Variants in NRG3 observed in about 807,000 individuals in gnomAD.
NRG3 encodes pro-neuregulin-3, membrane-bound isoform.
Under a neutral mutation model 66.9 loss-of-function variants are expected in NRG3, and 31 were observed. That is an observed-to-expected ratio of 0.46 (90% CI 0.35 to 0.63). The LOEUF is 0.63. Among genes scored for constraint, NRG3 ranks in the 20% least tolerant of loss-of-function variants. NRG3 has a pLI of 0.00. For missense variants in NRG3, 910 were observed against 878.9 expected (o/e 1.04, Z -0.45); for synonymous variants, 393 against 359.4 (o/e 1.09, Z -1.06).
At chr10:82,337,863 C>A (rs764277246) in intron 1 of NRG3, among the ~76,000 whole-genome samples, 62 of 152,210 alleles carry the variant, frequency 4.1e-4, no homozygotes, top group Non-Finnish European at 6.5e-4. Flanking sequence ...GCATTGGGGT[C>A]TTTACTCATA....
chr10:82,640,994 A>C (rs2050532312), intron 2 of NRG3, among the ~76,000 whole-genome samples: 3 of 149,134 alleles, frequency 2.0e-5, no homozygotes, highest in Admixed American at 6.7e-5. Context: ...AGGGTCTTTA[A>C]ATTTTTCAGT....
intron 2 of NRG3, among the ~76,000 whole-genome samples, chr10:82,470,366 G>C (rs2132046854): frequency 6.6e-6 from 1 of 152,284 alleles, no homozygotes; most frequent in African/African-American, 2.4e-5. Flanking sequence ...AACCCTCTAG[G>C]CTTCAATTTT....
At chr10:82,939,791 G>A (rs1452440661) in intron 4 of NRG3, among the ~76,000 whole-genome samples, 2 of 151,808 alleles carry the variant, frequency 1.3e-5, no homozygotes, top group Non-Finnish European at 1.5e-5. Flanking sequence ...TTTAAGTGTA[G>A]TATTATGCAG....
intron 1 of NRG3, among the ~76,000 whole-genome samples, chr10:81,993,834 C>T (rs1453836395): frequency 3.3e-5 from 5 of 152,204 alleles, no homozygotes; most frequent in South Asian, 2.1e-4. Context: ...CACATAGAAG[C>T]GCAGAAGCAT....
intron 4 of NRG3, among the ~76,000 whole-genome samples, chr10:82,907,764 C>T (rs562084666): frequency 2.6e-5 from 4 of 152,028 alleles, no homozygotes; most frequent in Non-Finnish European, 4.4e-5. Context: ...TAACTGTATG[C>T]ATAGGTACTG....
At chr10:82,891,681 A>G in intron 4 of NRG3, among the ~76,000 whole-genome samples, 1 of 152,046 alleles carries the variant, frequency 6.6e-6, no homozygotes, top group East Asian at 1.9e-4. Context: ...ATTCATCTGA[A>G]GATATTTTTG....
intron 1 of NRG3, among the ~76,000 whole-genome samples, chr10:82,274,828 G>T (rs1187552509): frequency 2.0e-5 from 3 of 151,882 alleles, no homozygotes; most frequent in Non-Finnish European, 4.4e-5. Flanking sequence ...AAACTATGCT[G>T]CAGTTTCCAT....
At chr10:82,405,003 G>A (rs1564884346) in intron 2 of NRG3, among the ~76,000 whole-genome samples, 1 of 152,070 alleles carries the variant, frequency 6.6e-6, no homozygotes, top group East Asian at 1.9e-4. Context: ...ACTGAGTTAG[G>A]AGCTGGGTCT....
chr10:82,782,861 G>A (rs1265239203), intron 3 of NRG3, among the ~76,000 whole-genome samples: 2 of 152,142 alleles, frequency 1.3e-5, no homozygotes, highest in African/African-American at 4.8e-5. Context: ...CATTTTGTGA[G>A]GCCAGCATCA....
intron 1 of NRG3, among the ~76,000 whole-genome samples, chr10:81,983,217 T>TA: frequency 6.6e-6 from 1 of 152,232 alleles, no homozygotes; most frequent in Non-Finnish European, 1.5e-5. Flanking sequence ...GTGATCATAT[T>TA]AACTGAACCA....
intron 1 of NRG3, among the ~76,000 whole-genome samples, chr10:82,002,939 T>C (rs1207081119): frequency 6.6e-6 from 1 of 152,206 alleles, no homozygotes. Context: ...TGTTATTATC[T>C]AACTCACATT....
At chr10:82,413,033 G>A (rs1431612831) in intron 2 of NRG3, among the ~76,000 whole-genome samples, 1 of 152,008 alleles carries the variant, frequency 6.6e-6, no homozygotes, top group Non-Finnish European at 1.5e-5. Context: ...ATGAGAGTTG[G>A]AATCAACTTC....
At chr10:82,761,130 G>T (rs1458736210) in intron 3 of NRG3, among the ~76,000 whole-genome samples, 1 of 151,724 alleles carries the variant, frequency 6.6e-6, no homozygotes, top group African/African-American at 2.4e-5. Flanking sequence ...AGAAAATATA[G>T]AATATTTTAT....
At position 82,815,096 on chromosome 10, in the gene NRG3, T is replaced by C. The variant is rs118162345; in HGVS notation, c.1028-50315T>C. On this transcript the variant is annotated intron_variant, in intron 3 of 8. Transcript: ENST00000372141. ...GCCGTCCTCCTGGTTTAAAGAAGTA[T>C]CTTCCAAAACCCATGTTAGTAAGAG... is the stretch of plus-strand genomic sequence containing the variant. Among the ~76,000 whole-genome samples, 654 of 152,318 alleles carry C rather than the reference T, an allele frequency of 4.3e-3. 7 individuals are homozygous for C. Among genetic ancestry groups the C allele is most frequent in the South Asian group, 9.5e-3 (46 of 4,834 alleles).
At position 82,586,769 on chromosome 10, in the gene NRG3, T is replaced by C. The variant is rs73311992; in HGVS notation, c.954-151808T>C. Among the ~76,000 whole-genome samples, 265 of 152,322 alleles carry C rather than the reference T, an allele frequency of 1.7e-3. 1 individual carries two copies. Among genetic ancestry groups the C allele is most frequent in the African/African-American group, 6.3e-3 (260 of 41,572 alleles). On this transcript the variant is annotated intron_variant, in intron 2 of 8. Coordinates refer to ENST00000372141, the MANE Select transcript of NRG3 (RefSeq NM_001010848.4). ...GTAGCATGTCATCATATCTATACAA[T>C]ACATATTTTTTAAAATGTGGACATC...
intron 2 of NRG3, among the ~76,000 whole-genome samples, chr10:82,622,096 G>A (rs1302793681): frequency 6.6e-6 from 1 of 152,106 alleles, no homozygotes; most frequent in African/African-American, 2.4e-5. Context: ...AGCCTACTTT[G>A]CAAGGAGGTA....
intron 1 of NRG3, among the ~76,000 whole-genome samples, chr10:82,104,971 C>T (rs916865991): frequency 1.3e-5 from 2 of 151,970 alleles, no homozygotes; most frequent in African/African-American, 4.8e-5. Flanking sequence ...CTTTTGAGGA[C>T]ACATTTATAT....
intron 2 of NRG3, among the ~76,000 whole-genome samples, chr10:82,701,396 T>C (rs17100589): frequency 3.9e-5 from 6 of 152,170 alleles, no homozygotes; most frequent in Non-Finnish European, 7.3e-5. Context: ...GCCTCTCGCT[T>C]GATCAGAATT....
At chr10:82,576,621 C>T (rs2046049265) in intron 2 of NRG3, among the ~76,000 whole-genome samples, 2 of 151,866 alleles carry the variant, frequency 1.3e-5, no homozygotes, top group Admixed American at 6.6e-5. Context: ...AGCATAGTTA[C>T]TTCTTTGATA....
Sources: gnomAD v4.1 joint callset for allele counts (sites outside exome capture counted in the v4.1 genomes callset) on GRCh38, gnomAD v4.1.1 for gene constraint, MANE v1.5 for transcripts, NCBI Gene and HGNC (gene_info 2026-07-23, HGNC 2026-07-21) for gene names.